The following CPEB4 variants were observed in gnomAD, a reference collection of about 807,000 sequenced individuals.
CPEB4 encodes cytoplasmic polyadenylation element binding protein 4.
Under a neutral mutation model 72.5 loss-of-function variants are expected in CPEB4, and 12 were observed. The ratio of observed to expected loss-of-function variants is 0.17; its 90% CI spans 0.11 to 0.27. The LOEUF (loss-of-function observed/expected upper bound fraction) is 0.27. CPEB4 is among the 10% of genes least tolerant of loss of function. The pLI is 1.00. For missense variants in CPEB4, 614 were observed against 908.5 expected (o/e 0.68, Z 4.17); for synonymous variants, 302 against 326.3 (o/e 0.93, Z 0.80).
chr5:173,899,725 T>C (rs1299500205), intron 1 of CPEB4, among the ~76,000 whole-genome samples: 1 of 152,164 alleles, frequency 6.6e-6, no homozygotes. Flanking sequence ...TTGCTGTCTT[T>C]TTTGTTTTTC....
Position 173,955,044 on chromosome 5 carries a change from T to C in CPEB4, c.1963-866T>C, listed in dbSNP as rs1341822663. ...TTCTTCTCCTTTTGTTCATGGCTAA[T>C]CTTGGTCAGGATTCCTTGTCAGAGC... On this transcript the variant is annotated intron_variant, in intron 9 of 9. Transcript: ENST00000265085. This position sits in a 1 kb window ranked among gnomAD's most constrained non-coding sequence, Gnocchi z 4.7. Among the ~76,000 whole-genome samples the C allele has an allele frequency of 3.3e-5, 5 of 152,196 alleles. No individual in the cohort carries two copies. Among genetic ancestry groups the C allele is most frequent in the Admixed American group, 3.3e-4 (5 of 15,274 alleles).
intron 5 of CPEB4, among the ~76,000 whole-genome samples, chr5:173,949,163 T>C (rs894506739): frequency 6.6e-6 from 1 of 152,232 alleles, no homozygotes; most frequent in Non-Finnish European, 1.5e-5. Flanking sequence ...AGTAGTGTTA[T>C]ATCAAAATTG....
rs766653468 is a variant in CPEB4, at chr5:173,890,465, C to T, written c.732C>T (p.Ser244=). The T allele has an allele frequency of 1.2e-6, 2 of 1,611,880 alleles. No homozygotes were observed. The highest frequency in any genetic ancestry group is 1.7e-6 in the Non-Finnish European group (2 of 1,178,810). ...PHHPHFQHHH[S]QHQQQRRSPA... ...ACCCTCATTTCCAGCATCATCACAG[C>T]CAGCATCAGCAGCAAAGGAGGTCTC... Residue 244 remains serine, a synonymous_variant, in exon 1 of 10, where the codon AGC becomes AGT. Coordinates refer to ENST00000265085, the MANE Select transcript of CPEB4 (RefSeq NM_030627.4).
intron 1 of CPEB4, among the ~76,000 whole-genome samples, chr5:173,899,443 T>C (rs1756143973): frequency 6.6e-6 from 1 of 152,208 alleles, no homozygotes; most frequent in Admixed American, 6.5e-5. Flanking sequence ...CACATTTCTG[T>C]TGTACCTGCT....
At chr5:173,906,668 T>C (rs368975222) in intron 1 of CPEB4, among the ~76,000 whole-genome samples, 134 of 152,296 alleles carry the variant, frequency 8.8e-4, no homozygotes, top group African/African-American at 3.2e-3. Context: ...ATAGTACCAA[T>C]TGAACAAACT....
At chr5:173,922,028 C>G (rs1254289952) in intron 2 of CPEB4, among the ~76,000 whole-genome samples, 1 of 152,154 alleles carries the variant, frequency 6.6e-6, no homozygotes, top group Non-Finnish European at 1.5e-5. Flanking sequence ...CCCAAAGATG[C>G]AACAGCTTCT....
chr5:173,946,943 G>A (rs1201806797), intron 5 of CPEB4, among the ~76,000 whole-genome samples: 2 of 151,792 alleles, frequency 1.3e-5, no homozygotes, highest in Admixed American at 6.6e-5. Context: ...CCTACCATGC[G>A]CATGTTAACC....
intron 3 of CPEB4, among the ~76,000 whole-genome samples, chr5:173,932,746 T>C (rs948586836): frequency 6.6e-6 from 1 of 152,198 alleles, no homozygotes; most frequent in African/African-American, 2.4e-5. Context: ...CCCATAATGA[T>C]ACCTAAAGAT....
intron 7 of CPEB4, 109 bp from the exon 8 acceptor site, chr5:173,951,715 G>A (rs918171729): frequency 1.5e-6 from 1 of 674,350 alleles, no homozygotes. Flanking sequence ...TTATTGACTT[G>A]TAATCATAGG....
At chr5:173,894,371 A>G (rs1755926219) in intron 1 of CPEB4, among the ~76,000 whole-genome samples, 1 of 152,134 alleles carries the variant, frequency 6.6e-6, no homozygotes, top group Non-Finnish European at 1.5e-5. Context: ...CTGTAATCCC[A>G]GCACTTTGGG....
chr5:173,922,343 A>T (rs866400147), intron 2 of CPEB4, among the ~76,000 whole-genome samples: 25 of 151,806 alleles, frequency 1.6e-4, no homozygotes, highest in Admixed American at 4.6e-4. Flanking sequence ...CGCTCCTCCC[A>T]CTTCAGCCTC....
At chr5:173,924,858 G>T (rs12519998) in intron 2 of CPEB4, among the ~76,000 whole-genome samples, 80,733 of 151,628 alleles carry the variant, frequency 0.53, 21,962 homozygotes, top group South Asian at 0.59. Context: ...CTCTGGGGTA[G>T]CACACCCAAA....
chr5:173,911,961 A>G (rs1450199055), intron 2 of CPEB4, among the ~76,000 whole-genome samples: 1 of 152,192 alleles, frequency 6.6e-6, no homozygotes, highest in Non-Finnish European at 1.5e-5. Context: ...ATTTTTCAGT[A>G]GACCAATAGT....
At chr5:173,904,162 C>T (rs1756339687) in intron 1 of CPEB4, among the ~76,000 whole-genome samples, 1 of 152,222 alleles carries the variant, frequency 6.6e-6, no homozygotes, top group African/African-American at 2.4e-5. Flanking sequence ...TCTGGGTTCA[C>T]ATTCTGCCTC....
chr5:173,908,700 C>G (rs1310789449), intron 1 of CPEB4, among the ~76,000 whole-genome samples: 1 of 152,108 alleles, frequency 6.6e-6, no homozygotes, highest in Non-Finnish European at 1.5e-5. Flanking sequence ...AAAATGCTCT[C>G]AAGTGGAGGA....
chr5:173,931,928 T>C (rs1279305907), intron 2 of CPEB4, among the ~76,000 whole-genome samples: 1 of 152,242 alleles, frequency 6.6e-6, no homozygotes, highest in African/African-American at 2.4e-5. Context: ...GAGTGCCTAC[T>C]GTGCCCTGGG....
chr5:173,911,500 G>C (rs1756658054), intron 2 of CPEB4, among the ~76,000 whole-genome samples: 1 of 152,060 alleles, frequency 6.6e-6, no homozygotes, highest in Admixed American at 6.6e-5. Flanking sequence ...CTGACCTAAT[G>C]ATCTGCCCGC....
chr5:173,918,067 A>G (rs1756940555), intron 2 of CPEB4: 1 of 152,234 alleles, frequency 6.6e-6, no homozygotes, highest in Admixed American at 6.5e-5. Context: ...GGAGGACGTT[A>G]AATAGCAAAG....
Position 173,950,098 on chromosome 5 carries a change from A to G in CPEB4, c.1665+20A>G, listed in dbSNP as rs909902013. 6 of 1,451,088 alleles carry G rather than the reference A, an allele frequency of 4.1e-6. No homozygotes were observed. The highest frequency in any genetic ancestry group is 5.7e-6 in the Non-Finnish European group (6 of 1,049,990). 89.9% of individuals were successfully genotyped at this position (1,451,088 alleles called of 1,614,324 possible). ...AAGCCAGTAAGTGTGGTTTAGCATA[A>G]AATAGCTTCTTGTTTTTGCCTCCAT... is the stretch of plus-strand genomic sequence containing the variant. On this transcript the variant is annotated intron_variant, in intron 7 of 9. Coordinates refer to ENST00000265085, the MANE Select transcript of CPEB4 (RefSeq NM_030627.4). This position sits in a 1 kb window ranked among gnomAD's most constrained non-coding sequence, Gnocchi z 5.0.
Sources: gnomAD v4.1 joint callset for allele counts (sites outside exome capture counted in the v4.1 genomes callset) on GRCh38, gnomAD v4.1.1 for gene constraint, Gnocchi (gnomAD v3.1) non-coding constraint, MANE v1.5 for transcripts, NCBI Gene and HGNC (gene_info 2026-07-23, HGNC 2026-07-21) for gene names.